The following PKD1L3 variants were observed in gnomAD, a reference collection of about 807,000 sequenced individuals.
PKD1L3 encodes polycystin-1-like protein 3.
In PKD1L3, 239 loss-of-function variants were observed where a neutral mutation model predicts 184.1. The observed-to-expected ratio is 1.30, with a 90% CI of 1.17 to 1.45. The LOEUF is 1.45. Ranked by LOEUF, PKD1L3 falls within the 40% of genes most tolerant of loss-of-function variation. The probability of loss-of-function intolerance (pLI) is 0.00; values close to 1 mark genes in which losing one functional copy is unlikely to be tolerated. For synonymous variants in PKD1L3, 996 were observed against 778.8 expected (o/e 1.28, Z -4.64); for missense variants, 2,660 against 2,067.2 (o/e 1.29, Z -5.56).
chr16:71,983,988 C>T lies in PKD1L3; in HGVS notation c.966+48G>A, dbSNP rs1463451706. The T allele has an allele frequency of 1.2e-5, 18 of 1,543,410 alleles. No individual in the cohort carries two copies. The East Asian group carries it at 4.4e-4, about 38-fold the overall frequency. ...TCAGATTCTCTTTTTCTGTTTTCCG[C>T]TTTTCCCTCTCTCCTACCTTCTTCC... is the stretch of plus-strand genomic sequence containing the variant. On this transcript the variant is annotated intron_variant, in intron 6 of 29. Coordinates refer to ENST00000620267, the MANE Select transcript of PKD1L3 (RefSeq NM_181536.2).
chr16:71,986,099 A>G (rs1226662271), intron 5 of PKD1L3, 122 bp downstream of exon 5: 2 of 1,290,444 alleles, frequency 1.5e-6, no homozygotes, highest in African/African-American at 3.0e-5. Context: ...TTTGTTTTGG[A>G]TTGGCATATA....
intron 16 of PKD1L3, among the ~76,000 whole-genome samples, chr16:71,958,109 C>T (rs1483458111): frequency 1.3e-5 from 2 of 152,162 alleles, no homozygotes; most frequent in East Asian, 3.9e-4. Flanking sequence ...CACACACGGC[C>T]GGGCGCGGTG....
chr16:71,986,380 G>A lies in PKD1L3; in HGVS notation c.675C>T (p.Ser225=). Residue 225 remains serine, a synonymous_variant, in exon 5 of 30, where the codon AGC becomes AGT. Transcript: ENST00000620267. ...GTGTTATCACAGGGAGAGGCTGGCT[G>A]CTGGGTTCAGATGCGGCTGATGTTA... ...SQVTSAASEP[S]SQPLPVITQL... 5 of 1,551,866 alleles carry A rather than the reference G, an allele frequency of 3.2e-6. No homozygotes were observed. The East Asian group carries it at 7.3e-5, about 23-fold the overall frequency.
In PKD1L3 at chr16:71,951,610, C is replaced by T. The variant is rs373728262; in HGVS notation, c.3144G>A (p.Leu1048=). ...CCTGCTGATGACAGCCTTGACCCTCCAAGTGAGATGATACGAGGCTGGATA... is the reference window on the plus strand; with the variant it reads ...CCTGCTGATGACAGCCTTGACCCTCTAAGTGAGATGATACGAGGCTGGATA... ...KLLSSLVSSH[L]EGQGCHQQGE... The change falls in exon 19 of 30, where the codon TTG becomes TTA. Residue 1048 remains leucine, a synonymous_variant. Transcript: ENST00000620267. The T allele has an allele frequency of 4.5e-6, 7 of 1,551,748 alleles. No individual in the cohort carries two copies. The African/African-American group carries it at 9.6e-5, about 21-fold the overall frequency.
At chr16:71,964,586 G>A (rs1048707905) in intron 15 of PKD1L3, among the ~76,000 whole-genome samples, 2 of 151,428 alleles carry the variant, frequency 1.3e-5, no homozygotes, top group South Asian at 2.1e-4. Flanking sequence ...TGATCTGCCC[G>A]CCCTGGCCTC....
Position 71,954,279 on chromosome 16 carries a change from C to T in PKD1L3, c.2635G>A (p.Val879Met). The T allele has an allele frequency of 6.5e-7, 1 of 1,543,862 alleles. No homozygotes were observed. Among genetic ancestry groups the T allele is most frequent in the African/African-American group, 1.4e-5 (1 of 72,794 alleles). The change falls in exon 17 of 30, where the codon GTG becomes ATG. Residue 879 changes from valine to methionine, a missense_variant. Transcript: ENST00000620267. ...SFRHLFSSMIVEKFTQDYLWL... is the reference protein window; with the variant it reads ...SFRHLFSSMIMEKFTQDYLWL... The stretch of plus-strand genomic sequence containing the variant: ...AGATAATCCTGGGTGAACTTTTCCA[C>T]AATCATGGAGGAAAACAGATGTCTG...
chr16:71,952,837 C>A, intron 18 of PKD1L3, 57 bp downstream of exon 18: 1 of 1,496,822 alleles, frequency 6.7e-7, no homozygotes, highest in South Asian at 1.3e-5. Context: ...GACCCTATGT[C>A]AAAACAAACA....
intron 6 of PKD1L3, among the ~76,000 whole-genome samples, chr16:71,983,663 C>CTTTTTTTTTTTTTTTTTTTTT (rs1180950058): frequency 4.0e-5 from 4 of 100,308 alleles, no homozygotes; most frequent in African/African-American, 1.6e-4. Context: ...GATTCTCTTT[C>CTTTTTTTTTTTTTTTTTTTTT]TTTTTTTTTT....
At chr16:71,966,884 C>A (rs1312613492) in intron 15 of PKD1L3, among the ~76,000 whole-genome samples, 1 of 152,274 alleles carries the variant, frequency 6.6e-6, no homozygotes, top group East Asian at 1.9e-4. Context: ...TGTTCACAAT[C>A]ATGACATTTA....
At position 71,931,813 on chromosome 16, in the gene PKD1L3, C is replaced by T. The variant is rs532013404; in HGVS notation, c.4926+1607G>A. Among the ~76,000 whole-genome samples the T allele has an allele frequency of 2.6e-5, 4 of 152,244 alleles. No homozygotes were observed. In the South Asian group the frequency reaches 6.2e-4, roughly 24 times the overall value. ...ACAGTATTTGCATAAACCCTATATA[C>T]ATCTCTCTTATACTTGAAATAAACT... On this transcript the variant is annotated intron_variant, in intron 28 of 29. Coordinates refer to ENST00000620267, the MANE Select transcript of PKD1L3 (RefSeq NM_181536.2).
chr16:71,942,483 C>A (rs1189036195), intron 24 of PKD1L3, 77 bp downstream of exon 24: 5 of 1,275,508 alleles, frequency 3.9e-6, no homozygotes, highest in Non-Finnish European at 5.4e-6. Flanking sequence ...TTCAATGAAA[C>A]CACATTCCTG....
rs995508389 is a variant in PKD1L3, at chr16:71,983,971, T to C, written c.966+65A>G. 14 of 1,534,218 alleles carry C rather than the reference T, an allele frequency of 9.1e-6. No homozygotes were observed. In the Admixed American group the frequency reaches 1.2e-4, roughly 13 times the overall value. ...AGCCACCGCACCCAGCCTCAGATTCTCTTTTTCTGTTTTCCGCTTTTCCCT... is the reference window on the plus strand; with the variant it reads ...AGCCACCGCACCCAGCCTCAGATTCCCTTTTTCTGTTTTCCGCTTTTCCCT... On this transcript the variant is annotated intron_variant, in intron 6 of 29. Transcript: ENST00000620267.
intron 18 of PKD1L3, 142 bp from the exon 19 acceptor site, chr16:71,951,886 A>G: frequency 1.4e-6 from 1 of 713,426 alleles, no homozygotes; most frequent in South Asian, 2.2e-5. Context: ...ATGTTCCTCT[A>G]ATTTTTCAGA....
chr16:71,998,207 C>A, intron 2 of PKD1L3, 65 bp downstream of exon 2: 2 of 1,536,920 alleles, frequency 1.3e-6, no homozygotes, highest in Non-Finnish European at 1.8e-6. Flanking sequence ...TTCTCACATG[C>A]ACTCCTTATT....
At chr16:71,965,078 C>A (rs757205160) in intron 15 of PKD1L3, among the ~76,000 whole-genome samples, 6 of 152,002 alleles carry the variant, frequency 3.9e-5, no homozygotes, top group Non-Finnish European at 7.4e-5. Context: ...AAACTCCTGA[C>A]CTCAAGTGAT....
At chr16:71,946,119 C>T (rs1378509048) in intron 22 of PKD1L3, among the ~76,000 whole-genome samples, 1 of 152,262 alleles carries the variant, frequency 6.6e-6, no homozygotes, top group African/African-American at 2.4e-5. Context: ...CCACCACACC[C>T]AGCTAATTTT....
At chr16:71,944,697 T>C (rs892752610) in intron 22 of PKD1L3, among the ~76,000 whole-genome samples, 1 of 70,308 alleles carries the variant, frequency 1.4e-5, no homozygotes, top group Non-Finnish European at 3.2e-5. Flanking sequence ...CATATCTGTT[T>C]TTTGTTTGTT....
At chr16:71,961,650 G>T (rs1284312243) in intron 16 of PKD1L3, among the ~76,000 whole-genome samples, 1 of 152,002 alleles carries the variant, frequency 6.6e-6, no homozygotes, top group Non-Finnish European at 1.5e-5. Context: ...ATCATTTTTG[G>T]AAATCTAACA....
chr16:71,978,990 G>T (rs754933918), intron 9 of PKD1L3, among the ~76,000 whole-genome samples: 4 of 152,098 alleles, frequency 2.6e-5, no homozygotes, highest in Non-Finnish European at 5.9e-5. Flanking sequence ...TTTATATCTA[G>T]AGGATTCTAT....
Sources: gnomAD v4.1 joint callset for allele counts (sites outside exome capture counted in the v4.1 genomes callset) on GRCh38, gnomAD v4.1.1 for gene constraint, MANE v1.5 for transcripts, NCBI Gene and HGNC (gene_info 2026-07-23, HGNC 2026-07-21) for gene names.